The following SLC3A1 variants were observed in gnomAD, a reference collection of about 807,000 sequenced individuals.
The protein encoded by SLC3A1 is amino acid transporter heavy chain SLC3A1.
A neutral mutation model predicts 60.3 loss-of-function variants in SLC3A1; 78 were observed. The observed-to-expected ratio is 1.29, with a 90% CI of 1.08 to 1.56. The LOEUF (loss-of-function observed/expected upper bound fraction) is 1.56, where lower values mean the gene tolerates loss of function less well. Ranked by LOEUF, SLC3A1 falls within the 40% of genes most tolerant of loss-of-function variation. The pLI, the probability that SLC3A1 is intolerant of heterozygous loss-of-function variation, is 0.00. For synonymous variants in SLC3A1, 392 were observed against 307.9 expected, an observed-to-expected ratio of 1.27 and a Z score of -2.86; for missense variants, 1,172 against 858.9, an observed-to-expected ratio of 1.36 and a Z score of -4.56.
At chr2:44,321,807 A>G, downstream of SLC3A1, 2 of 1,613,872 alleles carry the variant, frequency 1.2e-6, no homozygotes, top group Non-Finnish European at 1.7e-6. Context: ...CTGTCCACTG[A>G]GAGGGCCTTG....
chr2:44,302,334 G>C (rs1054225156), intron 6 of SLC3A1, among the ~76,000 whole-genome samples: 4 of 152,190 alleles, frequency 2.6e-5, no homozygotes, highest in Admixed American at 2.0e-4. Context: ...TGTATATAAA[G>C]TAGTGCCTGG....
chr2:44,304,080 G>A (rs754612172), intron 6 of SLC3A1, 63 bp from the exon 7 acceptor site: 1 of 1,250,182 alleles, frequency 8.0e-7, no homozygotes. Context: ...ATAAGCAGCT[G>A]TGGAGTGCCT....
intron 3 of SLC3A1, 181 bp from the exon 4 acceptor site, chr2:44,285,851 G>C (rs1044225046): frequency 2.6e-6 from 2 of 756,914 alleles, no homozygotes; most frequent in Non-Finnish European, 4.8e-6. Flanking sequence ...ATGTTTGTGA[G>C]GCATTAGGCC....
intron 6 of SLC3A1, 60 bp from the exon 7 acceptor site, chr2:44,304,075 CAGCTGTGG>C: frequency 8.6e-7 from 1 of 1,163,948 alleles, no homozygotes; most frequent in East Asian, 2.3e-5. Flanking sequence ...GCAAGATAAG[CAGCTGTGG>C]AGTGCCTTCC....
chr2:44,313,242 A>C (rs1362295605), intron 8 of SLC3A1, among the ~76,000 whole-genome samples: 3 of 152,112 alleles, frequency 2.0e-5, no homozygotes, highest in Non-Finnish European at 4.4e-5. Flanking sequence ...CTCAGAGTTA[A>C]GCAGTTTTTA....
chr2:44,275,489 C>A lies in SLC3A1; in HGVS notation c.-47C>A. The A allele has an allele frequency of 6.7e-7, 1 of 1,495,600 alleles. No individual in the cohort carries two copies. Among genetic ancestry groups the A allele is most frequent in the Non-Finnish European group, 9.3e-7 (1 of 1,076,776 alleles). 92.6% of individuals were successfully genotyped at this position (1,495,600 alleles called of 1,614,324 possible). On this transcript the variant is annotated 5_prime_UTR_variant, in exon 1 of 10. Coordinates refer to ENST00000260649, the MANE Select transcript of SLC3A1 (RefSeq NM_000341.4). ...AAGCATTCAGCAAGCCACTCTTCCACCTCCCTTACTGCAGGAAGGCACTCC... is the reference window on the plus strand; with the variant it reads ...AAGCATTCAGCAAGCCACTCTTCCAACTCCCTTACTGCAGGAAGGCACTCC...
chr2:44,321,092 A>G lies in SLC3A1; in HGVS notation c.*453A>G, dbSNP rs969532454. 16 of 443,182 alleles carry G rather than the reference A, an allele frequency of 3.6e-5. No individual in the cohort carries two copies. The allele number at this position is 443,182 out of a possible 1,614,324, so 27.5% of individuals were successfully genotyped here. A position where few individuals can be genotyped will look rare whatever the true frequency, so the allele number is the denominator to read the frequency against. On this transcript the variant is annotated 3_prime_UTR_variant, in exon 10 of 10. Coordinates refer to ENST00000260649, the MANE Select transcript of SLC3A1 (RefSeq NM_000341.4). The stretch of plus-strand genomic sequence containing the variant: ...GAGGCCTGGAGCTCTGCTATCACCA[A>G]TCCTTCCCTTCCCTCTACTCCACAT...
intron 4 of SLC3A1, among the ~76,000 whole-genome samples, chr2:44,298,093 T>C (rs1208379255): frequency 6.6e-6 from 1 of 152,216 alleles, no homozygotes; most frequent in African/African-American, 2.4e-5. Context: ...GGTATATACC[T>C]ATGCGTGAAA....
At chr2:44,314,178 C>G (rs1056229534) in intron 9 of SLC3A1, 4 of 1,117,960 alleles carry the variant, frequency 3.6e-6, no homozygotes, top group East Asian at 2.6e-5. Flanking sequence ...ATAGAATATA[C>G]AAGTCTTCAT....
chr2:44,286,901 G>C (rs1450892822), intron 4 of SLC3A1, among the ~76,000 whole-genome samples: 1 of 152,138 alleles, frequency 6.6e-6, no homozygotes, highest in Admixed American at 6.5e-5. Flanking sequence ...TTGGGGTCTG[G>C]CTCCTGCATC....
chr2:44,275,869 C>A lies in SLC3A1; in HGVS notation c.334C>A (p.Pro112Thr). ...AATIAIIALS[P>T]KCLDWWQEGP... The stretch of plus-strand genomic sequence containing the variant: ...CACCATAGCCATCATTGCCCTCTCT[C>A]CAAAGTGCCTAGACTGGTGGCAGGA... Residue 112 changes from proline (P) to threonine (T), a missense_variant, in exon 1 of 10, where the codon CCA becomes ACA. Transcript: ENST00000260649. 2 of 1,614,244 alleles carry A rather than the reference C, an allele frequency of 1.2e-6. No individual in the cohort carries two copies. The highest frequency in any genetic ancestry group is 1.7e-6 in the Non-Finnish European group (2 of 1,180,044).
At chr2:44,308,451 C>G (rs1672211455) in intron 7 of SLC3A1, among the ~76,000 whole-genome samples, 1 of 152,166 alleles carries the variant, frequency 6.6e-6, no homozygotes, top group Non-Finnish European at 1.5e-5. Flanking sequence ...ATCTTGTCTT[C>G]TAATCCATGA....
intron 9 of SLC3A1, chr2:44,319,031 T>G (rs1672692838): frequency 6.6e-6 from 1 of 152,266 alleles, no homozygotes; most frequent in Non-Finnish European, 1.5e-5. Context: ...TGAGTGGCAC[T>G]GAAACATGTG....
chr2:44,298,344 C>T (rs1671909175), intron 4 of SLC3A1, among the ~76,000 whole-genome samples: 1 of 152,100 alleles, frequency 6.6e-6, no homozygotes, highest in Non-Finnish European at 1.5e-5. Context: ...TACTTATGCT[C>T]CTCTGGCCAC....
intron 4 of SLC3A1, among the ~76,000 whole-genome samples, chr2:44,286,529 TGTGA>T (rs1267604373): frequency 9.1e-6 from 1 of 109,882 alleles, no homozygotes; most frequent in Non-Finnish European, 2.2e-5. Context: ...GTGCGGTGCC[TGTGA>T]CGGTGAGCTG....
Position 44,313,836 on chromosome 2 carries a change from A to C in SLC3A1, c.1502A>C (p.Asn501Thr). Residue 501 changes from asparagine to threonine, a missense_variant and splice_region_variant, in exon 9 of 10, where the codon AAT becomes ACT. Coordinates refer to ENST00000260649, the MANE Select transcript of SLC3A1 (RefSeq NM_000341.4). ...AANLNESYDINTLRSKSPMQW... is the reference protein window; with the variant it reads ...AANLNESYDITTLRSKSPMQW... ...TCCCTTTCTGGTCTTTTGACATAGA[A>C]TACCCTTCGCTCAAAGTCACCAATG... is the stretch of plus-strand genomic sequence containing the variant. 1 of 1,612,158 alleles carries C rather than the reference A, an allele frequency of 6.2e-7. No homozygotes were observed. Among genetic ancestry groups the C allele is most frequent in the Non-Finnish European group, 8.5e-7 (1 of 1,178,174 alleles).
At chr2:44,316,318 T>C (rs528588462) in intron 9 of SLC3A1, 40 of 152,324 alleles carry the variant, frequency 2.6e-4, no homozygotes, top group African/African-American at 9.4e-4. Flanking sequence ...TGGAGCTCCT[T>C]GACATTCTTT....
chr2:44,301,405 T>C, intron 6 of SLC3A1: 1 of 600,308 alleles, frequency 1.7e-6, no homozygotes, highest in African/African-American at 1.9e-5. Flanking sequence ...GAGATTATAT[T>C]AGCTAAATGT....
At chr2:44,303,942 G>C (rs4953083) in intron 6 of SLC3A1, 72 of 649,954 alleles carry the variant, frequency 1.1e-4, no homozygotes, top group African/African-American at 1.1e-3. Flanking sequence ...AGTATTCCAT[G>C]GTGTGTATGT....
Sources: allele counts gnomAD v4.1 joint callset (sites outside exome capture counted in the v4.1 genomes callset), GRCh38; gene constraint gnomAD v4.1.1; transcripts MANE v1.5; gene names NCBI Gene and HGNC (gene_info 2026-07-23, HGNC 2026-07-21).